DHTKD1: variants seen among roughly 807,000 people sequenced by gnomAD.
The protein encoded by DHTKD1 is 2-oxoadipate dehydrogenase complex component E1.
In DHTKD1, 78 loss-of-function variants were observed where a neutral mutation model predicts 101.8. The observed-to-expected ratio is 0.77, with a 90% confidence interval of 0.64 to 0.93. DHTKD1 has a LOEUF of 0.93. DHTKD1 is among the 40% of genes least tolerant of loss of function. DHTKD1 has a pLI of 0.00. For synonymous variants in DHTKD1, 462 were observed against 450.3 expected (o/e 1.03, Z -0.33); for missense variants, 1,223 against 1,161.7 (o/e 1.05, Z -0.77).
At chr10:12,076,485 G>C (rs77862546) in intron 1 of DHTKD1, among the ~76,000 whole-genome samples, 1,779 of 151,852 alleles carry the variant, frequency 0.012, 31 homozygotes, top group East Asian at 0.084. Context: ...CAAAAAAAAA[G>C]AGCTTTATTG....
chr10:12,081,738 T>A, intron 2 of DHTKD1, 111 bp downstream of exon 2: 1 of 1,239,810 alleles, frequency 8.1e-7, no homozygotes, highest in Non-Finnish European at 1.1e-6. Flanking sequence ...CCCGCAGGTG[T>A]GAGGAGACCC....
intron 6 of DHTKD1, among the ~76,000 whole-genome samples, chr10:12,093,045 A>ATTTTTTT (rs34443347): frequency 7.2e-6 from 1 of 138,612 alleles, no homozygotes. Context: ...TGCACAGCTA[A>ATTTTTTT]TTTTTTTTTT....
At chr10:12,111,955 G>T (rs752149982) in intron 12 of DHTKD1, among the ~76,000 whole-genome samples, 1 of 152,064 alleles carries the variant, frequency 6.6e-6, no homozygotes, top group Non-Finnish European at 1.5e-5. Flanking sequence ...AGAAAGTGGG[G>T]ATTAACTAGG....
In DHTKD1 at chr10:12,120,339, C is replaced by CTTTCT. The variant is rs1554794957; in HGVS notation, c.2658+75_2658+76insCTTTT. The stretch of plus-strand genomic sequence containing the variant: ...TTGTTTTTCTTTTCTTTCTTTCTTT[C>CTTTCT]TTTTTTTTTTTTGAGACAGAGTCTC... On this transcript the variant is annotated intron_variant, in intron 16 of 16. Coordinates refer to ENST00000263035, the MANE Select transcript of DHTKD1 (RefSeq NM_018706.7). The CTTTCT allele has an allele frequency of 1.8e-3, 1,934 of 1,065,654 alleles. 26 individuals carry two copies. The African/African-American group carries it at 0.027, about 15-fold the overall frequency. The allele number at this position is 1,065,654 out of a possible 1,614,324, so 66.0% of individuals were successfully genotyped here. A position where few individuals can be genotyped will look rare whatever the true frequency, so the allele number is the denominator to read the frequency against.
At chr10:12,102,503 T>C (rs777314344) in intron 10 of DHTKD1, among the ~76,000 whole-genome samples, 1 of 151,914 alleles carries the variant, frequency 6.6e-6, no homozygotes, top group Non-Finnish European at 1.5e-5. Context: ...GGAGCTCATC[T>C]TTTCTTTAAG....
In DHTKD1 at chr10:12,112,937, CTG is replaced by C; in HGVS notation, c.2195_2196del (p.Val732GlufsTer18). On this transcript the variant is annotated frameshift_variant, in exon 13 of 17. Transcript: ENST00000263035. LOFTEE classifies it high-confidence loss of function. Reference sequence around the variant, plus strand: ...GCGGAAGAGGGGGTGGACGGAGACACTGTGAACATGTTTGTGGTTCACCCAAC... The same window carrying C: ...GCGGAAGAGGGGGTGGACGGAGACACTGAACATGTTTGTGGTTCACCCAAC... 1.2e-6 allele frequency: 2 copies of C among 1,612,780 alleles called. No homozygotes were observed. The highest frequency in any genetic ancestry group is 1.7e-6 in the Non-Finnish European group (2 of 1,179,486).
At chr10:12,069,684 CTTTTTTTTTTTTTT>C (rs11292752) in intron 1 of DHTKD1, among the ~76,000 whole-genome samples, 1 of 25,478 alleles carries the variant, frequency 3.9e-5, no homozygotes, top group African/African-American at 1.3e-4. Context: ...CCACGCCCAG[CTTTTTTTTTTTTTT>C]TTTTTTTTTT....
intron 8 of DHTKD1, among the ~76,000 whole-genome samples, chr10:12,098,725 C>A (rs1031229212): frequency 4.6e-5 from 7 of 152,214 alleles, no homozygotes; most frequent in African/African-American, 1.7e-4. Flanking sequence ...CCACCATGCC[C>A]AGCTAATTTT....
chr10:12,119,903 G>A (rs192351605), intron 15 of DHTKD1, among the ~76,000 whole-genome samples: 48 of 152,296 alleles, frequency 3.2e-4, no homozygotes, highest in South Asian at 2.7e-3. Context: ...AACATGCTCA[G>A]AACACTCACA....
At chr10:12,117,083 C>A (rs1372298563) in intron 13 of DHTKD1, among the ~76,000 whole-genome samples, 2 of 151,746 alleles carry the variant, frequency 1.3e-5, no homozygotes, top group Non-Finnish European at 2.9e-5. Flanking sequence ...GCTCACTGCA[C>A]CCTCTGCCTT....
chr10:12,081,719 G>C (rs1832822832), intron 2 of DHTKD1, 92 bp downstream of exon 2: 1 of 1,469,488 alleles, frequency 6.8e-7, no homozygotes, highest in African/African-American at 1.4e-5. Context: ...CCCCACTGGA[G>C]CTGAGGCTCC....
At chr10:12,100,157 T>C (rs771705514) in intron 8 of DHTKD1, 21 bp from the exon 9 acceptor site, 4 of 1,472,214 alleles carry the variant, frequency 2.7e-6, no homozygotes, top group South Asian at 2.5e-5. Flanking sequence ...TTCCTTTTTT[T>C]TCTTCCTCTG....
chr10:12,083,082 C>G (rs904516730), intron 2 of DHTKD1, among the ~76,000 whole-genome samples: 1 of 151,658 alleles, frequency 6.6e-6, no homozygotes, highest in Admixed American at 6.6e-5. Flanking sequence ...GGCGTGAAGC[C>G]GGGAAGCGGA....
chr10:12,086,991 C>G (rs1013569584), intron 3 of DHTKD1, among the ~76,000 whole-genome samples: 5 of 152,150 alleles, frequency 3.3e-5, no homozygotes, highest in Admixed American at 6.5e-5. Flanking sequence ...CTGGCCTGGT[C>G]TTACTTCTTA....
chr10:12,098,192 C>T (rs935449731), intron 8 of DHTKD1, among the ~76,000 whole-genome samples, 196 bp downstream of exon 8: 6 of 152,122 alleles, frequency 3.9e-5, no homozygotes, highest in African/African-American at 1.4e-4. Flanking sequence ...TTTCTTTTTC[C>T]TCCATGTATT....
At chr10:12,096,363 C>T (rs919264934) in intron 7 of DHTKD1, among the ~76,000 whole-genome samples, 2 of 152,148 alleles carry the variant, frequency 1.3e-5, no homozygotes, top group Non-Finnish European at 2.9e-5. Context: ...CTGAATGACT[C>T]AGTGAACCTC....
chr10:12,089,144 C>T lies in DHTKD1; in HGVS notation c.876C>T (p.Ala292=), dbSNP rs556079764. The T allele has an allele frequency of 4.8e-5, 77 of 1,614,158 alleles. No individual in the cohort carries two copies. Among genetic ancestry groups the T allele is most frequent in the Middle Eastern group, 1.6e-4 (1 of 6,062 alleles). Residue 292 remains alanine, a synonymous_variant, in exon 5 of 17, where the codon GCC becomes GCT. Transcript: ENST00000263035. ...TMLPNPSHLE[A]VNPVAVGKTR... ...TGCCCAATCCCTCGCACCTGGAGGC[C>T]GTCAACCCCGTGGCCGTGGGCAAAA...
rs957901112 is a variant in DHTKD1 at position 12,070,591 on chromosome 10, C to T, written c.154+1404C>T. On this transcript the variant is annotated intron_variant, in intron 1 of 16. Transcript: ENST00000263035. The stretch of plus-strand genomic sequence containing the variant: ...GCAACCTCTGTCTTCTGGGTTCAAG[C>T]GATTGTCCTGCCCCAGTGTTCCGAG... Among the ~76,000 whole-genome samples, 3 of 152,210 alleles carry T rather than the reference C, an allele frequency of 2.0e-5. No homozygotes were observed. In the East Asian group the frequency reaches 5.8e-4, roughly 29 times the overall value.
At position 12,087,696 on chromosome 10, in the gene DHTKD1, T is replaced by A. The variant is rs1564391006; in HGVS notation, c.684T>A (p.Asn228Lys). The stretch of plus-strand genomic sequence containing the variant: ...GGATGCCCCATAGAGGGAGGCTGAA[T>A]TTATTGACAGGCCTTCTGCAGTTCC... ...IIGMPHRGRL[N>K]LLTGLLQFPP... Residue 228 changes from asparagine (N) to lysine (K), a missense_variant, in exon 4 of 17, where the codon AAT becomes AAA. Physicochemically the swap from Asn to Lys is moderately conservative, Grantham distance 94. Coordinates refer to ENST00000263035, the MANE Select transcript of DHTKD1 (RefSeq NM_018706.7). This position sits in a 1 kb window ranked among gnomAD's most constrained non-coding sequence, Gnocchi z 5.2. 1 of 1,609,704 alleles carries A rather than the reference T, an allele frequency of 6.2e-7. No individual in the cohort carries two copies. Among genetic ancestry groups the A allele is most frequent in the Non-Finnish European group, 8.5e-7 (1 of 1,178,042 alleles).
Sources: gnomAD v4.1 joint callset for allele counts (sites outside exome capture counted in the v4.1 genomes callset) on GRCh38, gnomAD v4.1.1 for gene constraint, Gnocchi (gnomAD v3.1) non-coding constraint, MANE v1.5 for transcripts, NCBI Gene and HGNC (gene_info 2026-07-23, HGNC 2026-07-21) for gene names.